The following SPTBN5 variants were observed in gnomAD, a reference collection of about 807,000 sequenced individuals.
SPTBN5 encodes the protein spectrin beta, non-erythrocytic 5, also known as spectrin beta chain, non-erythrocytic 5.
Under a neutral mutation model 477.6 loss-of-function variants are expected in SPTBN5, and 513 were observed. The ratio of observed to expected loss-of-function variants is 1.07; its 90% CI spans 1.00 to 1.16. The LOEUF is 1.16. Ranked by LOEUF, SPTBN5 falls within the 50% of genes most tolerant of loss-of-function variation. SPTBN5 has a pLI of 0.00. For missense variants in SPTBN5, 5,062 were observed against 4,731.8 expected (o/e 1.07, Z -2.05); for synonymous variants, 2,169 against 2,011.7 (o/e 1.08, Z -2.09).
intron 49 of SPTBN5, 95 bp from the exon 50 acceptor site, chr15:41,857,805 G>A: frequency 7.1e-7 from 1 of 1,416,394 alleles, no homozygotes; most frequent in Non-Finnish European, 9.4e-7. Context: ...GAGCTGCAGA[G>A]TCCCTGCGGT....
chr15:41,865,936 T>C (rs1411097655), intron 38 of SPTBN5, 33 bp from the exon 39 acceptor site: 1 of 1,551,398 alleles, frequency 6.4e-7, no homozygotes, highest in African/African-American at 1.4e-5. Context: ...GGGAGCGCTG[T>C]GAGCACCAGC....
chr15:41,852,202 C>A lies in SPTBN5; in HGVS notation c.10564G>T (p.Ala3522Ser), dbSNP rs201886455. 258 of 1,600,226 alleles carry A rather than the reference C, an allele frequency of 1.6e-4. No individual in the cohort carries two copies. The highest frequency in any genetic ancestry group is 1.6e-4 in the Non-Finnish European group (193 of 1,170,958). ...SGHQGLGAQL[A>S]ETRDPQDAKG... ...CCTGCCTGGGGGTCCCTCGTCTCAG[C>A]CAGCTGTGCTCCTAGCCCCTGGTGT... The change falls in exon 62 of 68, where the codon GCT (alanine) becomes TCT (serine). Residue 3522 changes from alanine (A) to serine (S), a missense_variant. Physicochemically the swap from Ala to Ser is moderately conservative, Grantham distance 99 (BLOSUM62 1). Coordinates refer to ENST00000320955, the MANE Select transcript of SPTBN5 (RefSeq NM_016642.4).
At position 41,882,261 on chromosome 15, in the gene SPTBN5, C is replaced by T. The variant is rs1383762093; in HGVS notation, c.2247+8G>A. On this transcript the variant is annotated splice_region_variant and intron_variant, in intron 11 of 67. Coordinates refer to ENST00000320955, the MANE Select transcript of SPTBN5 (RefSeq NM_016642.4). ...CGCCCCCACCCCGCCTCCACCCCTC[C>T]CCACTACCTGCAGGACCAGCAGGGC... 2 of 1,467,268 alleles carry T rather than the reference C, an allele frequency of 1.4e-6. No individual in the cohort carries two copies. The highest frequency in any genetic ancestry group is 2.9e-5 in the African/African-American group (2 of 69,278). 90.9% of individuals were successfully genotyped at this position (1,467,268 alleles called of 1,614,324 possible).
chr15:41,888,620 C>T (rs925531719), intron 4 of SPTBN5, among the ~76,000 whole-genome samples: 11 of 152,218 alleles, frequency 7.2e-5, no homozygotes, highest in African/African-American at 2.7e-4. Context: ...ACCACTATGC[C>T]CAGCTAATTT....
intron 46 of SPTBN5, among the ~76,000 whole-genome samples, chr15:41,861,041 T>C (rs573811649): frequency 2.0e-5 from 3 of 152,392 alleles, no homozygotes; most frequent in African/African-American, 2.4e-5. Context: ...TGGAGGACCA[T>C]GTTAGTCCCC....
At position 41,848,286 on chromosome 15, in the gene SPTBN5, G is replaced by A. The variant is rs777740888; in HGVS notation, c.*330C>T. The A allele has an allele frequency of 9.7e-5, 50 of 517,432 alleles. No homozygotes were observed. Among genetic ancestry groups the A allele is most frequent in the East Asian group, 2.4e-4 (7 of 29,020 alleles). 32.1% of individuals were successfully genotyped at this position (517,432 alleles called of 1,614,324 possible). A position where few individuals can be genotyped will look rare whatever the true frequency, so the allele number is the denominator to read the frequency against. On this transcript the variant is annotated 3_prime_UTR_variant, in exon 68 of 68. Transcript: ENST00000320955. Reference sequence around the variant, plus strand: ...GAGCACATTCTCTGCACACGTCTGCGTCTACCTGTGCTCAGAGTCACCCCT... The same window carrying A: ...GAGCACATTCTCTGCACACGTCTGCATCTACCTGTGCTCAGAGTCACCCCT...
At chr15:41,864,059 C>A (rs2066214773) in intron 39 of SPTBN5, 35 bp from the exon 40 acceptor site, 1 of 1,545,750 alleles carries the variant, frequency 6.5e-7, no homozygotes, top group South Asian at 1.1e-5. Context: ...CATTGGCACC[C>A]CCCATGCAGA....
Position 41,853,779 on chromosome 15 carries a change from C to A in SPTBN5, c.9783G>T (p.Leu3261=). 1.3e-6 allele frequency: 2 copies of A among 1,564,328 alleles called. No individual in the cohort carries two copies. Among genetic ancestry groups the A allele is most frequent in the Non-Finnish European group, 1.7e-6 (2 of 1,154,250 alleles). Residue 3261 remains leucine (L), a synonymous_variant, in exon 58 of 68, where the codon CTG becomes CTT. Transcript: ENST00000320955. ...QQQHRRLERE[L]EAMEKEVARL... ...GTGCCACCTCCTTCTCCATAGCTTC[C>A]AGCTCTCTCTGCAACCAGAGCATGA...
In SPTBN5 at chr15:41,849,897, T is replaced by C; in HGVS notation, c.10984A>G (p.Lys3662Glu). 6.3e-7 allele frequency: 1 copy of C among 1,591,022 alleles called. No homozygotes were observed. The highest frequency in any genetic ancestry group is 1.1e-5 in the South Asian group (1 of 87,294). ...PVSSLNECTT[K>E]DARPGCLLRS... ...AGTAGACATCCAGGCCGGGCATCCT[T>C]GGTCGTGCACTCATTCAGAGAGCTG... Residue 3662 changes from lysine (K) to glutamate (E), a missense_variant, in exon 67 of 68, where the codon AAG (lysine) becomes GAG (glutamate). Physicochemically the swap from Lys to Glu is moderately conservative, Grantham distance 56. Coordinates refer to ENST00000320955, the MANE Select transcript of SPTBN5 (RefSeq NM_016642.4).
Position 41,883,059 on chromosome 15 carries a change from A to G in SPTBN5, c.1829T>C (p.Leu610Pro), listed in dbSNP as rs765120715. The G allele has an allele frequency of 1.9e-6, 3 of 1,581,550 alleles. No individual in the cohort carries two copies. Among genetic ancestry groups the G allele is most frequent in the Non-Finnish European group, 1.7e-6 (2 of 1,164,578 alleles). The change falls in exon 9 of 68, where the codon CTG (leucine) becomes CCG (proline). Residue 610 changes from leucine (L) to proline (P), a missense_variant. Coordinates refer to ENST00000320955, the MANE Select transcript of SPTBN5 (RefSeq NM_016642.4). Reference protein sequence around the residue: ...DSSLGTSVEVLQAKARTLAQL... With the variant: ...DSSLGTSVEVPQAKARTLAQL... ...GGCCAGTGTCCTGGCCTTGGCCTGC[A>G]GCACCTCCACACTGGTGCCCAGGGA...
intron 35 of SPTBN5, 32 bp downstream of exon 35, chr15:41,867,506 C>G: frequency 6.2e-7 from 1 of 1,603,768 alleles, no homozygotes; most frequent in Non-Finnish European, 8.5e-7. Context: ...CCACCACACT[C>G]TGACCACGCC....
Position 41,873,977 on chromosome 15 carries a change from C to T in SPTBN5, c.4758G>A (p.Leu1586=). 1 of 1,606,556 alleles carries T rather than the reference C, an allele frequency of 6.2e-7. No homozygotes were observed. Among genetic ancestry groups the T allele is most frequent in the South Asian group, 1.1e-5 (1 of 91,078 alleles). ...GGGCTTGGGGGTGCCCTGAGGCTGC[C>T]AGGCTCCGCCCAGAACTCAGCACCC... ...VQRVLSSGRS[L]AASGHPQAQH... Residue 1586 remains leucine (L), a synonymous_variant, in exon 25 of 68, where the codon CTG becomes CTA. Transcript: ENST00000320955.
intron 66 of SPTBN5, 165 bp downstream of exon 66, chr15:41,850,689 C>T (rs1009048366): frequency 3.0e-6 from 2 of 655,800 alleles, no homozygotes; most frequent in South Asian, 2.0e-5. Context: ...GTTGCGTAAC[C>T]TCTCCAGGAC....
intron 59 of SPTBN5, 54 bp from the exon 60 acceptor site, chr15:41,853,054 G>A: frequency 2.1e-6 from 3 of 1,460,320 alleles, no homozygotes; most frequent in Non-Finnish European, 2.7e-6. Context: ...CCCACCATGG[G>A]CAGGGCAGGG....
rs2290553 is a variant in SPTBN5, at chr15:41,867,092, C to T, written c.6347G>A (p.Arg2116Gln). 0.24 allele frequency: 376,304 copies of T among 1,543,358 alleles called. 49,104 individuals carry two copies. The highest frequency in any genetic ancestry group is 0.39 in the Middle Eastern group (1,924 of 4,936). Residue 2116 changes from arginine to glutamine, a missense_variant, in exon 36 of 68, where the codon CGG (arginine) becomes CAG (glutamine). Coordinates refer to ENST00000320955, the MANE Select transcript of SPTBN5 (RefSeq NM_016642.4). ...AAGCCGGTCCCGCACCCGGGGGCGC[C>T]GGAGCGTCTTCAGCCGCTCACGCAG... ...AALRERLKTL[R>Q]RPRVRDRLPI...
chr15:41,857,790 C>T lies in SPTBN5; in HGVS notation c.8227-80G>A, dbSNP rs1472282571. The T allele has an allele frequency of 3.4e-6, 5 of 1,481,446 alleles. No homozygotes were observed. In the Admixed American group the frequency reaches 8.2e-5, roughly 24 times the overall value. 91.8% of individuals were successfully genotyped at this position (1,481,446 alleles called of 1,614,324 possible). A position where few individuals can be genotyped will look rare whatever the true frequency, so the allele number is the denominator to read the frequency against. Reference sequence around the variant, plus strand: ...CACTTGTGTTGACTCTGACCACCAGCACTAGAGCTGCAGAGTCCCTGCGGT... The same window carrying T: ...CACTTGTGTTGACTCTGACCACCAGTACTAGAGCTGCAGAGTCCCTGCGGT... On this transcript the variant is annotated intron_variant, in intron 49 of 67. Coordinates refer to ENST00000320955, the MANE Select transcript of SPTBN5 (RefSeq NM_016642.4).
Position 41,851,822 on chromosome 15 carries a change from C to T in SPTBN5, c.10613G>A (p.Gly3538Glu). The change falls in exon 63 of 68, where the codon GGG (glycine) becomes GAG (glutamate). Residue 3538 changes from glycine to glutamate, a missense_variant. Coordinates refer to ENST00000320955, the MANE Select transcript of SPTBN5 (RefSeq NM_016642.4). ...CAGGTGCTGCTTGAACTCCAAAGAC[C>T]CCTCCATGGTGGGGGTACCCTTTGC... is the stretch of plus-strand genomic sequence containing the variant. The part of the protein sequence containing the change: ...QDAKGTPTME[G>E]SLEFKQHLLP... The T allele has an allele frequency of 1.2e-6, 2 of 1,610,878 alleles. No individual in the cohort carries two copies. Among genetic ancestry groups the T allele is most frequent in the South Asian group, 2.2e-5 (2 of 90,942 alleles).
chr15:41,876,656 C>CA lies in SPTBN5; in HGVS notation c.3852-10_3852-9insT, dbSNP rs567422060. On this transcript the variant is annotated splice_polypyrimidine_tract_variant and intron_variant, in intron 19 of 67. Coordinates refer to ENST00000320955, the MANE Select transcript of SPTBN5 (RefSeq NM_016642.4). The stretch of plus-strand genomic sequence containing the variant: ...GCAGCTGCTCTCTGACCCTGGAGGG[C>CA]GGGGGGGGGTTGGAGGAGGGCATGG... 24 of 705,778 alleles carry CA rather than the reference C, an allele frequency of 3.4e-5. No homozygotes were observed. The East Asian group carries it at 4.5e-4, about 13-fold the overall frequency. 43.7% of individuals were successfully genotyped at this position (705,778 alleles called of 1,614,324 possible).
At chr15:41,874,716 C>T in intron 23 of SPTBN5, 126 bp downstream of exon 23, 2 of 1,042,820 alleles carry the variant, frequency 1.9e-6, no homozygotes, top group South Asian at 3.4e-5. Context: ...CCGACCCTCC[C>T]ATCCCAGAAT....
Sources: allele counts gnomAD v4.1 joint callset (sites outside exome capture counted in the v4.1 genomes callset), GRCh38; gene constraint gnomAD v4.1.1; transcripts MANE v1.5; gene names NCBI Gene and HGNC (gene_info 2026-07-23, HGNC 2026-07-21).